Variants in TSPAN11 observed in about 807,000 individuals in gnomAD.
TSPAN11 encodes tetraspanin-11.
TSPAN11 carries 29 observed loss-of-function variants against 32.9 expected under a neutral mutation model. The ratio of observed to expected loss-of-function variants is 0.88; its 90% CI spans 0.66 to 1.20. TSPAN11 has a LOEUF of 1.20. Among genes scored for constraint, TSPAN11 ranks in the 50% most tolerant of loss-of-function variants. TSPAN11 has a pLI of 0.00. For synonymous variants in TSPAN11, 140 were observed against 141.3 expected (o/e 0.99, Z 0.07); for missense variants, 283 against 329.1 (o/e 0.86, Z 1.08).
intron 5 of TSPAN11, among the ~76,000 whole-genome samples, chr12:30,980,689 G>C (rs1939071961): frequency 6.6e-6 from 1 of 152,100 alleles, no homozygotes; most frequent in South Asian, 2.1e-4. Context: ...CCAAGACTCA[G>C]GCCCAGCTCC....
At chr12:30,945,552 T>TG (rs1938249155) in intron 1 of TSPAN11, among the ~76,000 whole-genome samples, 1 of 152,166 alleles carries the variant, frequency 6.6e-6, no homozygotes, top group South Asian at 2.1e-4. Flanking sequence ...GTGGTCCCTC[T>TG]GCTCCTGGTC....
chr12:31,014,525 C>CT, the TSPAN11 span, among the ~76,000 whole-genome samples: 1 of 152,154 alleles, frequency 6.6e-6, no homozygotes, highest in Non-Finnish European at 1.5e-5. Flanking sequence ...CCTATGTTGT[C>CT]TGACTATAGG....
chr12:30,969,219 T>C (rs1938798631), intron 3 of TSPAN11, among the ~76,000 whole-genome samples: 1 of 152,178 alleles, frequency 6.6e-6, no homozygotes, highest in Non-Finnish European at 1.5e-5. Context: ...TGGTGGGAAG[T>C]TCAGGGTGAG....
chr12:30,938,834 C>G (rs1481491023), intron 1 of TSPAN11, among the ~76,000 whole-genome samples: 4 of 152,176 alleles, frequency 2.6e-5, no homozygotes, highest in African/African-American at 9.7e-5. Context: ...CTTCCCTCCT[C>G]AAAGCCTACT....
intron 1 of TSPAN11, among the ~76,000 whole-genome samples, chr12:30,942,885 C>T (rs1317298841): frequency 6.6e-6 from 1 of 152,158 alleles, no homozygotes; most frequent in Non-Finnish European, 1.5e-5. Context: ...TAAGTTTGGT[C>T]CAAAAGAGTT....
intron 2 of TSPAN11, among the ~76,000 whole-genome samples, chr12:30,957,642 TCCCTCCCTC>T (rs1938511508): frequency 5.2e-5 from 2 of 38,478 alleles, no homozygotes; most frequent in African/African-American, 1.4e-4. Context: ...CCTCCCTCCC[TCCCTCCCTC>T]CCTTCCTCCC....
At chr12:30,996,676 G>A (rs1482528112), downstream of TSPAN11, 3 of 152,152 alleles carry the variant, frequency 2.0e-5, no homozygotes, top group South Asian at 4.2e-4. Context: ...CATGACCCAC[G>A]GCTACATCGT....
At chr12:30,973,345 G>A (rs937957550) in intron 3 of TSPAN11, among the ~76,000 whole-genome samples, 1 of 152,232 alleles carries the variant, frequency 6.6e-6, no homozygotes, top group African/African-American at 2.4e-5. Flanking sequence ...TGCTTGCAAG[G>A]GGGGCTGGCA....
At chr12:30,988,725 G>T (rs985213518) in intron 7 of TSPAN11, 3 of 152,098 alleles carry the variant, frequency 2.0e-5, no homozygotes, top group Non-Finnish European at 2.9e-5. Flanking sequence ...ACATACATTC[G>T]GGGTTCAGAG....
At chr12:31,013,883 T>C in the TSPAN11 span, among the ~76,000 whole-genome samples, 1 of 152,234 alleles carries the variant, frequency 6.6e-6, no homozygotes, top group Non-Finnish European at 1.5e-5. Context: ...GAAATGTGGC[T>C]AGTCTAAATT....
downstream of TSPAN11, among the ~76,000 whole-genome samples, chr12:31,000,923 T>A (rs1013422560): frequency 6.6e-6 from 1 of 152,036 alleles, no homozygotes. Context: ...CACCAATAAA[T>A]CTAGTTAACC....
At chr12:30,934,623 T>C (rs1176260272) in intron 1 of TSPAN11, among the ~76,000 whole-genome samples, 1 of 150,344 alleles carries the variant, frequency 6.7e-6, no homozygotes, top group African/African-American at 2.5e-5. Context: ...AAACTTAAAA[T>C]ATTATGAGAT....
chr12:30,982,561 C>G lies in TSPAN11; in HGVS notation c.486C>G (p.Ala162=). Residue 162 remains alanine, a synonymous_variant, in exon 6 of 8, where the codon GCC becomes GCG. Transcript: ENST00000546076. ...DFKCCGSNSS[A]DWQHSTYILL... Reference sequence around the variant, plus strand: ...AGTGCTGTGGAAGCAACAGCTCAGCCGACTGGCAGCACAGCACGTACATCC... The same window carrying G: ...AGTGCTGTGGAAGCAACAGCTCAGCGGACTGGCAGCACAGCACGTACATCC... 6.2e-7 allele frequency: 1 copy of G among 1,611,724 alleles called. No individual in the cohort carries two copies. Among genetic ancestry groups the G allele is most frequent in the Non-Finnish European group, 8.5e-7 (1 of 1,178,602 alleles).
chr12:31,010,788 C>T, the TSPAN11 span, among the ~76,000 whole-genome samples: 12,757 of 151,818 alleles, frequency 0.084, 768 homozygotes, highest in South Asian at 0.21. Context: ...AGAGTGAGAC[C>T]CTGTCTCAAA....
At chr12:30,976,060 A>G (rs1938964647) in intron 3 of TSPAN11, among the ~76,000 whole-genome samples, 1 of 152,184 alleles carries the variant, frequency 6.6e-6, no homozygotes, top group Admixed American at 6.5e-5. Flanking sequence ...AAGGAGACTC[A>G]GAAACAAGGA....
intron 7 of TSPAN11, 112 bp downstream of exon 7, chr12:30,983,262 G>A (rs569259119): frequency 8.4e-5 from 86 of 1,020,926 alleles, no homozygotes; most frequent in South Asian, 7.5e-4. Flanking sequence ...TTGCACACCC[G>A]CACCCTACCC....
intron 1 of TSPAN11, among the ~76,000 whole-genome samples, chr12:30,948,886 T>C (rs933301754): frequency 3.3e-5 from 5 of 152,228 alleles, no homozygotes; most frequent in African/African-American, 1.2e-4. Context: ...TCTGCTTCCC[T>C]TATGAAACTG....
intron 3 of TSPAN11, among the ~76,000 whole-genome samples, chr12:30,967,963 CT>C (rs2140296105): frequency 6.6e-6 from 1 of 152,200 alleles, no homozygotes; most frequent in African/African-American, 2.4e-5. Context: ...AAGAAGGTGC[CT>C]GTACAACCTT....
intron 1 of TSPAN11, among the ~76,000 whole-genome samples, chr12:30,944,887 TGAGCTTTTGCTAATGG>T (rs779039851): frequency 1.6e-4 from 25 of 152,228 alleles, no homozygotes; most frequent in Non-Finnish European, 3.1e-4. Context: ...TCCCCCAACC[TGAGCTTTTGCTAATGG>T]GAGCTTTTGC....
Sources: allele counts gnomAD v4.1 joint callset (sites outside exome capture counted in the v4.1 genomes callset), GRCh38; gene constraint gnomAD v4.1.1; transcripts MANE v1.5; gene names NCBI Gene and HGNC (gene_info 2026-07-23, HGNC 2026-07-21).